TFB2M: variants seen among roughly 807,000 people sequenced by gnomAD.
TFB2M encodes dimethyladenosine transferase 2, mitochondrial.
TFB2M carries 44 observed loss-of-function variants against 41.3 expected under a neutral mutation model. That is an observed-to-expected ratio of 1.07 (90% CI 0.84 to 1.37). The LOEUF (loss-of-function observed/expected upper bound fraction) is 1.37, where lower values mean the gene tolerates loss of function less well. Ranked by LOEUF, TFB2M falls within the 40% of genes most tolerant of loss-of-function variation. The probability of loss-of-function intolerance (pLI) is 0.00; values close to 1 mark genes in which losing one functional copy is unlikely to be tolerated. For synonymous variants in TFB2M, 188 were observed against 176.8 expected (o/e 1.06, Z -0.50); for missense variants, 496 against 490.2 (o/e 1.01, Z -0.11).
chr1:246,564,034 G>A (rs1416318027), intron 2 of TFB2M, among the ~76,000 whole-genome samples: 1 of 152,178 alleles, frequency 6.6e-6, no homozygotes, highest in African/African-American at 2.4e-5. Flanking sequence ...CAGAAGAAAG[G>A]AGCACAGCGC....
chr1:246,563,517 T>C (rs1003620148), intron 2 of TFB2M, among the ~76,000 whole-genome samples: 1 of 151,418 alleles, frequency 6.6e-6, no homozygotes, highest in African/African-American at 2.4e-5. Context: ...GGCAGGAGAA[T>C]CGCTTAAACT....
chr1:246,558,156 A>AG (rs1659371978), intron 2 of TFB2M, among the ~76,000 whole-genome samples: 1 of 73,228 alleles, frequency 1.4e-5, no homozygotes, highest in Non-Finnish European at 2.8e-5. Flanking sequence ...TTATCTGTTT[A>AG]CTTTTTTTTT....
intron 7 of TFB2M, among the ~76,000 whole-genome samples, chr1:246,543,932 G>A (rs1284076546): frequency 6.6e-6 from 1 of 152,164 alleles, no homozygotes; most frequent in Non-Finnish European, 1.5e-5. Flanking sequence ...CAAGGCTGCA[G>A]TGAGCTGAGA....
chr1:246,552,904 T>C (rs922179482), intron 4 of TFB2M, among the ~76,000 whole-genome samples: 6 of 151,612 alleles, frequency 4.0e-5, no homozygotes, highest in African/African-American at 1.5e-4. Flanking sequence ...TGAGACACTG[T>C]CTCTATTTAA....
chr1:246,553,729 C>T (rs975026173), intron 4 of TFB2M, among the ~76,000 whole-genome samples: 9 of 152,162 alleles, frequency 5.9e-5, no homozygotes, highest in Non-Finnish European at 1.2e-4. Flanking sequence ...ATTTCATGTT[C>T]GTGGATTGGA....
At chr1:246,541,358 G>A (rs142604704) in intron 7 of TFB2M, among the ~76,000 whole-genome samples, 156 bp from the exon 8 acceptor site, 3 of 152,134 alleles carry the variant, frequency 2.0e-5, no homozygotes, top group African/African-American at 7.2e-5. Flanking sequence ...GAAGAGGATG[G>A]GAGGAGGGTG....
intron 6 of TFB2M, among the ~76,000 whole-genome samples, 153 bp from the exon 7 acceptor site, chr1:246,544,834 C>G (rs1020154282): frequency 1.3e-5 from 2 of 152,182 alleles, no homozygotes; most frequent in Non-Finnish European, 2.9e-5. Context: ...GAGATAGAGT[C>G]TCACTCTGTC....
intron 2 of TFB2M, among the ~76,000 whole-genome samples, chr1:246,563,726 C>A (rs1470488880): frequency 6.6e-6 from 1 of 151,994 alleles, no homozygotes; most frequent in Admixed American, 6.6e-5. Flanking sequence ...TTGTTTAATG[C>A]ACAAAATTAT....
At chr1:246,563,238 C>A (rs1172319711) in intron 2 of TFB2M, among the ~76,000 whole-genome samples, 2 of 146,634 alleles carry the variant, frequency 1.4e-5, no homozygotes, top group Non-Finnish European at 3.0e-5. Flanking sequence ...AATGGTATGT[C>A]ATTTTTTCTA....
At chr1:246,549,600 C>A (rs1659116115) in intron 5 of TFB2M, among the ~76,000 whole-genome samples, 2 of 151,910 alleles carry the variant, frequency 1.3e-5, no homozygotes, top group Admixed American at 6.6e-5. Context: ...AAAACCGACC[C>A]ACCTGAAAAA....
rs548554828 is a variant in TFB2M at position 246,560,890 on chromosome 1, G to C, written c.403-3356C>G. ...AGCACTTTGGAGGCTGAGGCGGGCGGATCACGAGGTCAGGAGTTCCAGACC... is the reference window on the plus strand; with the variant it reads ...AGCACTTTGGAGGCTGAGGCGGGCGCATCACGAGGTCAGGAGTTCCAGACC... On this transcript the variant is annotated intron_variant, in intron 2 of 7. Coordinates refer to ENST00000366514, the MANE Select transcript of TFB2M (RefSeq NM_022366.3). 1.3e-3 allele frequency among the ~76,000 whole-genome samples: 199 copies of C among 152,196 alleles called. 1 individual carries two copies. The highest frequency in any genetic ancestry group is 4.6e-3 in the African/African-American group (190 of 41,524).
intron 2 of TFB2M, 55 bp downstream of exon 2, chr1:246,564,290 AC>A: frequency 6.7e-7 from 1 of 1,481,728 alleles, no homozygotes; most frequent in Non-Finnish European, 9.4e-7. Flanking sequence ...ATTTCCTTAA[AC>A]CACTCACAGA....
chr1:246,565,871 C>T lies in TFB2M; in HGVS notation c.268G>A (p.Gly90Arg), dbSNP rs150011053. The T allele has an allele frequency of 4.8e-5, 78 of 1,609,352 alleles. No homozygotes were observed. In the African/African-American group the frequency reaches 1.0e-3, roughly 21 times the overall value. ...AGGTGTGGAGGTCTACTTGGTTTTC[C>T]CAAATAGATTTGCGCCAGGGTCTCA... Reference protein sequence around the residue: ...LAETLAQIYLGKPSRPPHLLL... With the variant: ...LAETLAQIYLRKPSRPPHLLL... The change falls in exon 1 of 8, where the codon GGA becomes AGA. Residue 90 changes from glycine to arginine, a missense_variant. Transcript: ENST00000366514.
Position 246,540,907 on chromosome 1 carries a change from T to A in TFB2M, c.*124A>T, listed in dbSNP as rs939539918. On this transcript the variant is annotated 3_prime_UTR_variant, in exon 8 of 8. Transcript: ENST00000366514. ...TGATATCAGCTTAGGAGAAATGATC[T>A]GCCTGGCTTGTGCAAGACAAGAACA... 2 of 852,226 alleles carry A rather than the reference T, an allele frequency of 2.3e-6. No individual in the cohort carries two copies. The highest frequency in any genetic ancestry group is 1.9e-5 in the South Asian group (1 of 51,436). The allele number at this position is 852,226 out of a possible 1,614,324, so 52.8% of individuals were successfully genotyped here.
intron 4 of TFB2M, among the ~76,000 whole-genome samples, chr1:246,554,479 A>G (rs3129579): frequency 1 from 151,665 of 152,178 alleles, 75,582 homozygotes; most frequent in Middle Eastern, 1. Context: ...TCATAGGAAC[A>G]CAATCCCTAT....
intron 2 of TFB2M, among the ~76,000 whole-genome samples, chr1:246,562,852 G>T (rs1163304740): frequency 6.6e-6 from 1 of 152,044 alleles, no homozygotes; most frequent in Non-Finnish European, 1.5e-5. Context: ...TAGAGACGGG[G>T]TTTCACCATG....
chr1:246,546,289 G>A (rs1392707418), intron 6 of TFB2M, among the ~76,000 whole-genome samples: 1 of 124,864 alleles, frequency 8.0e-6, no homozygotes, highest in African/African-American at 2.8e-5. Flanking sequence ...TCCAGCCTGG[G>A]AGAAGAGTGA....
intron 2 of TFB2M, among the ~76,000 whole-genome samples, chr1:246,560,884 C>T (rs1016071800): frequency 2.6e-5 from 4 of 152,166 alleles, no homozygotes; most frequent in East Asian, 1.9e-4. Context: ...GAGGCTGAGG[C>T]GGGCGGATCA....
At chr1:246,546,801 G>A (rs1402228248) in intron 6 of TFB2M, among the ~76,000 whole-genome samples, 1 of 106,280 alleles carries the variant, frequency 9.4e-6, no homozygotes, top group Non-Finnish European at 2.4e-5. Context: ...AACTTGGATA[G>A]AAATGACAGG....
Sources: allele counts gnomAD v4.1 joint callset (sites outside exome capture counted in the v4.1 genomes callset), GRCh38; gene constraint gnomAD v4.1.1; transcripts MANE v1.5; gene names NCBI Gene and HGNC (gene_info 2026-07-23, HGNC 2026-07-21).